The following FRMD3 variants were observed in gnomAD, a reference collection of about 807,000 sequenced individuals.
FRMD3 encodes FERM domain containing 3, also known as FERM domain-containing protein 3.
A neutral mutation model predicts 70.2 loss-of-function variants in FRMD3; 33 were observed. The observed-to-expected ratio is 0.47, with a 90% CI of 0.36 to 0.63. The LOEUF (loss-of-function observed/expected upper bound fraction) is 0.63. Ranked by LOEUF, FRMD3 falls within the 20% of genes least tolerant of loss-of-function variation. The pLI, the probability that FRMD3 is intolerant of heterozygous loss-of-function variation, is 0.00. For missense variants in FRMD3, 632 were observed against 711.4 expected (o/e 0.89, Z 1.27); for synonymous variants, 279 against 255.9 (o/e 1.09, Z -0.86).
At chr9:83,317,193 TACACACACAC>T (rs71823603) in intron 6 of FRMD3, among the ~76,000 whole-genome samples, 6 of 145,030 alleles carry the variant, frequency 4.1e-5, no homozygotes, top group Non-Finnish European at 6.0e-5. Context: ...CTCTCATGCA[TACACACACAC>T]ACACACACAC....
the FRMD3 span, among the ~76,000 whole-genome samples, chr9:83,568,511 T>C: frequency 4.6e-5 from 7 of 152,138 alleles, no homozygotes; most frequent in Non-Finnish European, 4.4e-5. Flanking sequence ...ATCTGGAAGA[T>C]ATTATGCTGA....
At chr9:83,373,322 TC>T (rs1165797547) in intron 2 of FRMD3, among the ~76,000 whole-genome samples, 2 of 152,152 alleles carry the variant, frequency 1.3e-5, no homozygotes, top group Non-Finnish European at 2.9e-5. Context: ...GCATTTGACA[TC>T]CACGACCTCA....
At chr9:83,388,733 G>A (rs1217777642) in intron 2 of FRMD3, among the ~76,000 whole-genome samples, 1 of 152,138 alleles carries the variant, frequency 6.6e-6, no homozygotes, top group Non-Finnish European at 1.5e-5. Flanking sequence ...TGCCCAAGGA[G>A]CTGCTTCTGA....
intron 1 of FRMD3, among the ~76,000 whole-genome samples, chr9:83,500,811 G>T (rs1375663285): frequency 2.6e-5 from 4 of 152,172 alleles, no homozygotes; most frequent in Non-Finnish European, 1.5e-5. Flanking sequence ...GAGGAAAAGA[G>T]TGGAGAATAG....
chr9:83,478,818 C>T (rs1828460722), intron 1 of FRMD3, among the ~76,000 whole-genome samples: 1 of 152,038 alleles, frequency 6.6e-6, no homozygotes, highest in Non-Finnish European at 1.5e-5. Flanking sequence ...CAGCTTTAAA[C>T]AGGATTGCCT....
intron 1 of FRMD3, among the ~76,000 whole-genome samples, chr9:83,491,224 T>C (rs1828817492): frequency 6.6e-6 from 1 of 152,172 alleles, no homozygotes; most frequent in Non-Finnish European, 1.5e-5. Flanking sequence ...GAACTTGAGA[T>C]AAAAGGAAAA....
At chr9:83,369,791 G>A (rs1006413355) in intron 3 of FRMD3, among the ~76,000 whole-genome samples, 3 of 151,764 alleles carry the variant, frequency 2.0e-5, no homozygotes, top group Non-Finnish European at 4.4e-5. Flanking sequence ...ATATGTTGGG[G>A]GCTTATATAC....
chr9:83,557,673 T>G, the FRMD3 span, among the ~76,000 whole-genome samples: 1 of 152,268 alleles, frequency 6.6e-6, no homozygotes, highest in East Asian at 1.9e-4. Context: ...CAAAGAGAAA[T>G]TATTTGTTCC....
At chr9:83,437,201 T>G (rs933675477) in intron 1 of FRMD3, among the ~76,000 whole-genome samples, 24 of 152,222 alleles carry the variant, frequency 1.6e-4, no homozygotes, top group Admixed American at 3.3e-4. Flanking sequence ...GACTGTAAAA[T>G]TAGATGCTAA....
intron 6 of FRMD3, among the ~76,000 whole-genome samples, chr9:83,319,499 G>A (rs75102678): frequency 0.073 from 11,049 of 152,224 alleles, 598 homozygotes; most frequent in East Asian, 0.23. Context: ...TTGGCTCACT[G>A]CAACCTCTGC....
Position 83,290,614 on chromosome 9 carries a change from G to T in FRMD3, c.1184C>A (p.Pro395His). ...PSPSEQEEEL[P>H]LGEGVPLPKE... ...AGAGACAGACTTACCCTCACCCAGAGGAAGTTCTTCTTCTTGCTCGCTGGG... is the reference window on the plus strand; with the variant it reads ...AGAGACAGACTTACCCTCACCCAGATGAAGTTCTTCTTCTTGCTCGCTGGG... The change falls in exon 13 of 14, where the codon CCT becomes CAT. Residue 395 changes from proline (P) to histidine (H), a missense_variant. By Grantham distance (77) the Pro-to-His change is moderately conservative. This residue lies in a region of FRMD3 where 418 missense variants were observed against 442.1 expected (regional missense o/e 0.95). Coordinates refer to ENST00000304195, the MANE Select transcript of FRMD3 (RefSeq NM_174938.6). The T allele has an allele frequency of 6.2e-7, 1 of 1,614,070 alleles. No individual in the cohort carries two copies. The highest frequency in any genetic ancestry group is 1.1e-5 in the South Asian group (1 of 91,078).
chr9:83,434,670 G>A (rs1035074721), intron 1 of FRMD3, among the ~76,000 whole-genome samples: 2 of 152,164 alleles, frequency 1.3e-5, no homozygotes, highest in Non-Finnish European at 1.5e-5. Context: ...ATGTCTTAAA[G>A]CCTTGGGATT....
rs116013362 is a variant in FRMD3, at chr9:83,362,576, T to C, written c.295+10337A>G. On this transcript the variant is annotated intron_variant, in intron 3 of 13. Coordinates refer to ENST00000304195, the MANE Select transcript of FRMD3 (RefSeq NM_174938.6). ...TGGGAGCAGCACAGTCTCTGGTAAA[T>C]AGGGCAAGAATAGGATCTTAACTAC... Among the ~76,000 whole-genome samples, 957 of 152,244 alleles carry C rather than the reference T, an allele frequency of 6.3e-3. 14 individuals carry two copies. Among genetic ancestry groups the C allele is most frequent in the African/African-American group, 0.021 (861 of 41,536 alleles).
At chr9:83,421,099 C>T (rs972851571) in intron 1 of FRMD3, among the ~76,000 whole-genome samples, 3 of 151,514 alleles carry the variant, frequency 2.0e-5, no homozygotes, top group Non-Finnish European at 2.9e-5. Flanking sequence ...CGCCACCACG[C>T]CCGGCTAATT....
chr9:83,351,673 G>T (rs1403617017), intron 3 of FRMD3, among the ~76,000 whole-genome samples: 1 of 141,170 alleles, frequency 7.1e-6, no homozygotes, highest in Non-Finnish European at 1.5e-5. Context: ...GTAGATAGAT[G>T]ATTGATAGTT....
intron 6 of FRMD3, among the ~76,000 whole-genome samples, chr9:83,323,145 T>G (rs573341965): frequency 1.3e-5 from 2 of 152,182 alleles, no homozygotes; most frequent in Non-Finnish European, 2.9e-5. Flanking sequence ...GTTGAACATG[T>G]TTACCCTATA....
At chr9:83,334,692 A>G (rs1823518356) in intron 6 of FRMD3, among the ~76,000 whole-genome samples, 1 of 152,122 alleles carries the variant, frequency 6.6e-6, no homozygotes, top group African/African-American at 2.4e-5. Context: ...AATTACCTAA[A>G]TTCCAAGTTG....
intron 3 of FRMD3, among the ~76,000 whole-genome samples, chr9:83,352,932 T>C (rs1438315388): frequency 6.6e-6 from 1 of 152,142 alleles, no homozygotes; most frequent in Admixed American, 6.5e-5. Context: ...CTCCCTCCAT[T>C]TGCTGGGATA....
At chr9:83,419,263 C>G (rs76788429) in intron 1 of FRMD3, among the ~76,000 whole-genome samples, 5,819 of 152,224 alleles carry the variant, frequency 0.038, 200 homozygotes, top group East Asian at 0.16. Context: ...CCGAAAATCA[C>G]TTGTACCCCA....
Sources: gnomAD v4.1 joint callset for allele counts (sites outside exome capture counted in the v4.1 genomes callset) on GRCh38, gnomAD v4.1.1 for gene constraint, gnomAD v4.1.1 regional missense constraint, MANE v1.5 for transcripts, NCBI Gene and HGNC (gene_info 2026-07-23, HGNC 2026-07-21) for gene names.